Variants in TSNARE1 observed in about 807,000 individuals in gnomAD.
The protein encoded by TSNARE1 is t-SNARE domain-containing protein 1.
In TSNARE1, 49 loss-of-function variants were observed where a neutral mutation model predicts 62.0. The observed-to-expected ratio is 0.79, with a 90% confidence interval of 0.63 to 1.00. TSNARE1 has a LOEUF of 1.00. TSNARE1 is among the 50% of genes least tolerant of loss of function. TSNARE1 has a pLI of 0.00. For synonymous variants in TSNARE1, 328 were observed against 294.4 expected, an observed-to-expected ratio of 1.11 and a Z score of -1.17; for missense variants, 755 against 700.1, an observed-to-expected ratio of 1.08 and a Z score of -0.88.
intron 4 of TSNARE1, among the ~76,000 whole-genome samples, chr8:142,337,341 C>G (rs965619623): frequency 2.0e-5 from 3 of 152,206 alleles, no homozygotes; most frequent in Non-Finnish European, 2.9e-5. Flanking sequence ...ATAATCCCCC[C>G]ACAACAAAAT....
intron 11 of TSNARE1, among the ~76,000 whole-genome samples, chr8:142,283,234 C>T (rs1263082503): frequency 6.7e-6 from 1 of 149,036 alleles, no homozygotes; most frequent in Non-Finnish European, 1.5e-5. Flanking sequence ...CAGTGTCTGC[C>T]AATGAGCAGA....
intron 13 of TSNARE1, among the ~76,000 whole-genome samples, chr8:142,221,705 T>TCATCCACC (rs1816226662): frequency 7.0e-6 from 1 of 141,956 alleles, no homozygotes; most frequent in African/African-American, 2.6e-5. Flanking sequence ...ATCCACTCAC[T>TCATCCACC]CATCCACTCA....
intron 12 of TSNARE1, among the ~76,000 whole-genome samples, chr8:142,232,126 A>C (rs10100321): frequency 6.6e-6 from 1 of 152,086 alleles, no homozygotes; most frequent in Non-Finnish European, 1.5e-5. Flanking sequence ...TCTCGGCAGC[A>C]GCAGTTCCCG....
At chr8:142,222,329 CACTCGCT>C (rs1308266639) in intron 13 of TSNARE1, among the ~76,000 whole-genome samples, 2,561 of 55,836 alleles carry the variant, frequency 0.046, 1,106 homozygotes, top group Non-Finnish European at 0.079. Context: ...CTAATTCACT[CACTCGCT>C]CACTCATCCA....
chr8:142,226,309 C>T (rs939094423), intron 13 of TSNARE1, among the ~76,000 whole-genome samples: 4 of 152,162 alleles, frequency 2.6e-5, no homozygotes, highest in African/African-American at 4.8e-5. Context: ...CGGGCACACG[C>T]ATGGGCTTGC....
intron 12 of TSNARE1, among the ~76,000 whole-genome samples, chr8:142,238,339 T>A (rs1817535332): frequency 6.6e-6 from 1 of 152,074 alleles, no homozygotes; most frequent in Non-Finnish European, 1.5e-5. Flanking sequence ...TATCTGGCAA[T>A]CCTGTTCCCC....
chr8:142,254,276 G>T (rs1026578327), intron 12 of TSNARE1, among the ~76,000 whole-genome samples: 3 of 152,204 alleles, frequency 2.0e-5, no homozygotes, highest in Non-Finnish European at 4.4e-5. Context: ...CTTCCCCAGT[G>T]CCCCGTGGGG....
chr8:142,340,271 G>A lies in TSNARE1; in HGVS notation c.745+3695C>T, dbSNP rs192198244. Among the ~76,000 whole-genome samples, 9 of 152,340 alleles carry A rather than the reference G, an allele frequency of 5.9e-5. No individual in the cohort carries two copies. The South Asian group carries it at 6.2e-4, about 11-fold the overall frequency. On this transcript the variant is annotated intron_variant, in intron 4 of 13. Transcript: ENST00000524325. ...ACCAGCCCTGGCCGAGGCATGTCCC[G>A]TGTTTCCTCGTGATGGCAGGAACCC... is the stretch of plus-strand genomic sequence containing the variant.
chr8:142,395,936 G>A (rs1001708415), intron 1 of TSNARE1, among the ~76,000 whole-genome samples: 3 of 152,204 alleles, frequency 2.0e-5, no homozygotes, highest in African/African-American at 7.2e-5. Flanking sequence ...TCGCTAGAAT[G>A]GATCATGGGT....
rs777300120 is a variant in TSNARE1, at chr8:142,354,776, C to T, written c.-39-13G>A. 31 of 1,475,682 alleles carry T rather than the reference C, an allele frequency of 2.1e-5. No homozygotes were observed. The highest frequency in any genetic ancestry group is 2.3e-5 in the East Asian group (1 of 43,948). The allele number at this position is 1,475,682 out of a possible 1,614,324, so 91.4% of individuals were successfully genotyped here. A position where few individuals can be genotyped will look rare whatever the true frequency, so the allele number is the denominator to read the frequency against. ...CCTCCACACTGAGCTGGAGGAAACA[C>T]GAAAAGCAGGGGGAAGAGGGGGAAG... On this transcript the variant is annotated splice_polypyrimidine_tract_variant and intron_variant, in intron 1 of 13. Transcript: ENST00000524325.
intron 11 of TSNARE1, among the ~76,000 whole-genome samples, chr8:142,282,430 G>C (rs899524089): frequency 6.7e-6 from 1 of 149,094 alleles, no homozygotes; most frequent in African/African-American, 2.4e-5. Context: ...ATTAATGAGC[G>C]GAGCAGGGGC....
chr8:142,353,003 C>T (rs147566659), intron 2 of TSNARE1, among the ~76,000 whole-genome samples: 407 of 152,228 alleles, frequency 2.7e-3, no homozygotes, highest in African/African-American at 9.4e-3. Flanking sequence ...CAGCTGACAC[C>T]GTGCCCTGCC....
intron 10 of TSNARE1, among the ~76,000 whole-genome samples, chr8:142,297,828 G>A (rs184433371): frequency 2.0e-5 from 3 of 152,130 alleles, no homozygotes; most frequent in Admixed American, 6.5e-5. Flanking sequence ...TGTTTTTCCC[G>A]TTTTCAGAGA....
At chr8:142,399,395 C>G (rs374054405) in intron 1 of TSNARE1, among the ~76,000 whole-genome samples, 3 of 152,212 alleles carry the variant, frequency 2.0e-5, no homozygotes, top group Non-Finnish European at 4.4e-5. Context: ...CAGCTCCCCG[C>G]GGGTGGGGTG....
Position 142,291,629 on chromosome 8 carries a change from G to A in TSNARE1, c.1291-7144C>T, listed in dbSNP as rs1157911028. 6.6e-6 allele frequency among the ~76,000 whole-genome samples: 1 copy of A among 152,146 alleles called. No individual in the cohort carries two copies. Among genetic ancestry groups the A allele is most frequent in the Non-Finnish European group, 1.5e-5 (1 of 68,042 alleles). On this transcript the variant is annotated intron_variant, in intron 10 of 13. Transcript: ENST00000524325. The surrounding 1 kb of genome is among the most constrained non-coding windows in gnomAD (Gnocchi z 4.8). The stretch of plus-strand genomic sequence containing the variant: ...GGTGAGCTGCTGCGAACGCAGACGT[G>A]ACGGGAACAGGCAACGCCGTTGCCT...
chr8:142,376,576 A>G (rs2131133283), intron 1 of TSNARE1, among the ~76,000 whole-genome samples: 1 of 152,252 alleles, frequency 6.6e-6, no homozygotes, highest in East Asian at 1.9e-4. Flanking sequence ...TGGCACTCTG[A>G]TCTCAGACTT....
At chr8:142,274,559 G>A (rs1820116633) in intron 12 of TSNARE1, 6 of 985,438 alleles carry the variant, frequency 6.1e-6, no homozygotes, top group Non-Finnish European at 7.2e-6. Flanking sequence ...AGAGGAGACG[G>A]TGCCGACCGC....
rs33970858 is a variant in TSNARE1 at position 142,345,817 on chromosome 8, C to A, written c.164G>T (p.Arg55Leu). Residue 55 changes from arginine to leucine, a missense_variant, in exon 3 of 14, where the codon CGC (arginine) becomes CTC (leucine). Physicochemically the swap from Arg to Leu is moderately radical, Grantham distance 102. Coordinates refer to ENST00000524325, the MANE Select transcript of TSNARE1 (RefSeq NM_145003.5). The stretch of plus-strand genomic sequence containing the variant: ...ACCTTCCCCGTCCTTCCCCACACAG[C>A]GGTTCTGCAGCTTGCTCTCTGGCGA... ...CPSPESKLQN[R>L]CVGKDGEGDL... The A allele has an allele frequency of 6.2e-7, 1 of 1,613,712 alleles. No individual in the cohort carries two copies. The highest frequency in any genetic ancestry group is 8.5e-7 in the Non-Finnish European group (1 of 1,179,858).
rs893463271 is a variant in TSNARE1, at chr8:142,319,353, G to C, written c.894-719C>G. Among the ~76,000 whole-genome samples, 2 of 152,044 alleles carry C rather than the reference G, an allele frequency of 1.3e-5. No individual in the cohort carries two copies. The highest frequency in any genetic ancestry group is 2.9e-5 in the Non-Finnish European group (2 of 67,986). On this transcript the variant is annotated intron_variant, in intron 6 of 13. Transcript: ENST00000524325. This position sits in a 1 kb window ranked among gnomAD's most constrained non-coding sequence, Gnocchi z 4.9. ...GGTGCACACCTCTGAGGGGCCCCGGGTGAGACGGTTCTCACACCCAGACCC... is the reference window on the plus strand; with the variant it reads ...GGTGCACACCTCTGAGGGGCCCCGGCTGAGACGGTTCTCACACCCAGACCC...
Sources: allele counts gnomAD v4.1 joint callset (sites outside exome capture counted in the v4.1 genomes callset), GRCh38; gene constraint gnomAD v4.1.1; non-coding constraint Gnocchi (gnomAD v3.1); transcripts MANE v1.5; gene names NCBI Gene and HGNC (gene_info 2026-07-23, HGNC 2026-07-21).